ALG9: variants seen among roughly 807,000 people sequenced by gnomAD.
ALG9 encodes alpha-1,2-mannosyltransferase ALG9.
ALG9 carries 55 observed loss-of-function variants against 81.8 expected under a neutral mutation model. That is an observed-to-expected ratio of 0.67 (90% CI 0.54 to 0.84). The LOEUF is 0.84. ALG9 is among the 40% of genes least tolerant of loss of function. The pLI is 0.00. For missense variants in ALG9, 629 were observed against 745.0 expected (o/e 0.84, Z 1.81); for synonymous variants, 278 against 274.3 (o/e 1.01, Z -0.13).
chr11:111,838,170 AT>A, intron 11 of ALG9, 78 bp downstream of exon 11: 1 of 1,550,750 alleles, frequency 6.4e-7, no homozygotes, highest in Non-Finnish European at 8.9e-7. Flanking sequence ...CCAAATATGT[AT>A]TATATAATCA....
intron 8 of ALG9, among the ~76,000 whole-genome samples, chr11:111,845,015 C>G (rs1210919365): frequency 1.3e-5 from 2 of 152,218 alleles, no homozygotes; most frequent in Non-Finnish European, 2.9e-5. Context: ...CCCAATGGAA[C>G]TAATACTTTT....
intron 13 of ALG9, among the ~76,000 whole-genome samples, chr11:111,824,214 T>A (rs966836355): frequency 8.5e-5 from 13 of 152,224 alleles, no homozygotes; most frequent in Non-Finnish European, 1.8e-4. Context: ...GCATCTATGA[T>A]ACAGAATGAA....
chr11:111,871,574 CA>C lies in ALG9; in HGVS notation c.-93del, dbSNP rs1179726134. The C allele has an allele frequency of 7.6e-5, 116 of 1,531,542 alleles. 1 individual carries two copies. In the South Asian group the frequency reaches 1.3e-3, roughly 17 times the overall value. The allele number at this position is 1,531,542 out of a possible 1,614,324, so 94.9% of individuals were successfully genotyped here. A position where few individuals can be genotyped will look rare whatever the true frequency, so the allele number is the denominator to read the frequency against. ...CTGGCAAACGGTGTCCGCCGAGGGACAAAAGACCTTGACATGCGCAGAAAAT... is the reference window on the plus strand; with the variant it reads ...CTGGCAAACGGTGTCCGCCGAGGGACAAAGACCTTGACATGCGCAGAAAAT... On this transcript the variant is annotated 5_prime_UTR_variant, in exon 1 of 15. Coordinates refer to ENST00000616540, the MANE Select transcript of ALG9 (RefSeq NM_024740.2).
At chr11:111,800,417 G>T (rs1555079466) in intron 14 of ALG9, among the ~76,000 whole-genome samples, 1 of 152,054 alleles carries the variant, frequency 6.6e-6, no homozygotes, top group African/African-American at 2.4e-5. Context: ...GGAGGCAGAG[G>T]TTGCAGTGAG....
At chr11:111,800,867 C>A (rs1949022844) in intron 14 of ALG9, among the ~76,000 whole-genome samples, 2 of 152,072 alleles carry the variant, frequency 1.3e-5, no homozygotes, top group South Asian at 4.1e-4. Context: ...GGTGGACAGA[C>A]AGACAATGGA....
At chr11:111,777,730 G>T (rs1202875038), downstream of ALG9, among the ~76,000 whole-genome samples, 1 of 152,110 alleles carries the variant, frequency 6.6e-6, no homozygotes, top group Non-Finnish European at 1.5e-5. Flanking sequence ...TGAAAAAACA[G>T]CCTTCTTTTC....
chr11:111,859,631 T>A (rs954990933), intron 5 of ALG9, among the ~76,000 whole-genome samples: 1 of 152,156 alleles, frequency 6.6e-6, no homozygotes, highest in African/African-American at 2.4e-5. Context: ...CAGTTCCAGC[T>A]GCAGTGTAGA....
intron 14 of ALG9, among the ~76,000 whole-genome samples, chr11:111,797,553 G>A (rs625017): frequency 0.036 from 5,453 of 152,274 alleles, 340 homozygotes; most frequent in African/African-American, 0.12. Context: ...GTTGTTTTAC[G>A]CCACTAAGTA....
chr11:111,818,797 T>C (rs1592035175), intron 13 of ALG9, among the ~76,000 whole-genome samples: 1 of 151,984 alleles, frequency 6.6e-6, no homozygotes. Flanking sequence ...AGGTCCTAAG[T>C]AAATGTCTAC....
chr11:111,771,873 TC>T, the ALG9 span, among the ~76,000 whole-genome samples: 1 of 152,260 alleles, frequency 6.6e-6, no homozygotes, highest in African/African-American at 2.4e-5. Flanking sequence ...ATTTTAGCCT[TC>T]TTTTTCTTCT....
chr11:111,777,975 C>T (rs1301915594), downstream of ALG9, among the ~76,000 whole-genome samples: 3 of 152,224 alleles, frequency 2.0e-5, no homozygotes, highest in African/African-American at 7.2e-5. Context: ...TCAAGAGAAG[C>T]TCTCTCTGCA....
chr11:111,815,294 A>G (rs1555095982), intron 13 of ALG9, among the ~76,000 whole-genome samples: 2 of 152,066 alleles, frequency 1.3e-5, no homozygotes, highest in Non-Finnish European at 2.9e-5. Flanking sequence ...AGTCCTAGCT[A>G]CTTGGGAGTC....
intron 9 of ALG9, among the ~76,000 whole-genome samples, chr11:111,843,454 C>G (rs569473387): frequency 5.3e-5 from 8 of 152,060 alleles, no homozygotes; most frequent in African/African-American, 9.7e-5. Context: ...GGCATTATGG[C>G]TACGTTGAAA....
At chr11:111,809,225 C>A (rs1456066712) in intron 14 of ALG9, among the ~76,000 whole-genome samples, 1 of 152,066 alleles carries the variant, frequency 6.6e-6, no homozygotes, top group Non-Finnish European at 1.5e-5. Context: ...GGAAACTGGG[C>A]CCAAATAAAA....
At chr11:111,819,098 A>G (rs1173662244) in intron 13 of ALG9, among the ~76,000 whole-genome samples, 1 of 152,244 alleles carries the variant, frequency 6.6e-6, no homozygotes, top group Non-Finnish European at 1.5e-5. Flanking sequence ...GAAGACTGAG[A>G]AAAGGCAACA....
chr11:111,822,394 G>A (rs1175860179), intron 13 of ALG9, among the ~76,000 whole-genome samples: 1 of 97,890 alleles, frequency 1.0e-5, no homozygotes, highest in African/African-American at 4.1e-5. Flanking sequence ...GGGTGACAAA[G>A]CACAACTCAG....
At chr11:111,817,777 C>CTT (rs530765413) in intron 13 of ALG9, among the ~76,000 whole-genome samples, 86 of 132,400 alleles carry the variant, frequency 6.5e-4, no homozygotes, top group African/African-American at 2.1e-3. Context: ...ACTTGTATTT[C>CTT]TTTTTTTTTT....
At chr11:111,844,836 G>A in intron 8 of ALG9, 113 bp from the exon 9 acceptor site, 2 of 1,211,976 alleles carry the variant, frequency 1.7e-6, no homozygotes, top group Non-Finnish European at 2.4e-6. Context: ...ATGCCTCATG[G>A]GAATGAGAGT....
intron 8 of ALG9, among the ~76,000 whole-genome samples, chr11:111,852,809 G>A (rs1555139847): frequency 6.6e-6 from 1 of 151,926 alleles, no homozygotes; most frequent in Non-Finnish European, 1.5e-5. Flanking sequence ...ATGGTGGCGG[G>A]CTAATAGCTG....
Sources: allele counts gnomAD v4.1 joint callset (sites outside exome capture counted in the v4.1 genomes callset), GRCh38; gene constraint gnomAD v4.1.1; transcripts MANE v1.5; gene names NCBI Gene and HGNC (gene_info 2026-07-23, HGNC 2026-07-21).